PRKCA: variants seen among roughly 807,000 people sequenced by gnomAD.
PRKCA encodes protein kinase C alpha.
Under a neutral mutation model 87.0 loss-of-function variants are expected in PRKCA, and 27 were observed. The observed-to-expected ratio is 0.31, with a 90% CI of 0.23 to 0.43. The LOEUF (loss-of-function observed/expected upper bound fraction) is 0.43. PRKCA is among the 20% of genes least tolerant of loss of function. The pLI, the probability that PRKCA is intolerant of heterozygous loss-of-function variation, is 1.00. For missense variants in PRKCA, 518 were observed against 852.3 expected (o/e 0.61, Z 4.88); for synonymous variants, 329 against 311.1 (o/e 1.06, Z -0.61).
At chr17:66,747,422 G>A (rs549861566) in intron 13 of PRKCA, among the ~76,000 whole-genome samples, 4 of 152,260 alleles carry the variant, frequency 2.6e-5, no homozygotes, top group Admixed American at 6.5e-5. Flanking sequence ...TCACAGCATC[G>A]CTATGGCGGG....
intron 2 of PRKCA, among the ~76,000 whole-genome samples, chr17:66,327,786 TGAAATTTTAG>T (rs1906075570): frequency 6.6e-6 from 1 of 152,214 alleles, no homozygotes; most frequent in African/African-American, 2.4e-5. Flanking sequence ...GAATGAGGTC[TGAAATTTTAG>T]GTGACTATTC....
intron 2 of PRKCA, among the ~76,000 whole-genome samples, chr17:66,467,193 T>G (rs1915125327): frequency 6.6e-6 from 1 of 152,190 alleles, no homozygotes; most frequent in Admixed American, 6.5e-5. Flanking sequence ...GTATCGTGGC[T>G]TACAGGCTCT....
rs565714972 is a variant in PRKCA at position 66,384,681 on chromosome 17, T to C, written c.205+78554T>C. 4.6e-5 allele frequency among the ~76,000 whole-genome samples: 7 copies of C among 151,908 alleles called. No homozygotes were observed. In the South Asian group the frequency reaches 1.5e-3, roughly 32 times the overall value. On this transcript the variant is annotated intron_variant, in intron 2 of 16. Transcript: ENST00000413366. The stretch of plus-strand genomic sequence containing the variant: ...TCTCGCTCTGTCGCCCAGGCTGGAG[T>C]GTAGTGGTGCCATCTCGGCTCACTG...
chr17:66,497,762 A>G (rs1335537399), intron 3 of PRKCA, among the ~76,000 whole-genome samples: 2 of 152,194 alleles, frequency 1.3e-5, no homozygotes, highest in African/African-American at 2.4e-5. Context: ...TGGCTATCTC[A>G]GTGCAGGCAA....
At chr17:66,370,787 C>T (rs1304343006) in intron 2 of PRKCA, among the ~76,000 whole-genome samples, 3 of 152,062 alleles carry the variant, frequency 2.0e-5, no homozygotes, top group East Asian at 1.9e-4. Flanking sequence ...TGGACTCAAG[C>T]GATCCACCAC....
At chr17:66,609,682 G>A (rs1448962771) in intron 3 of PRKCA, among the ~76,000 whole-genome samples, 2 of 151,924 alleles carry the variant, frequency 1.3e-5, no homozygotes, top group Non-Finnish European at 2.9e-5. Context: ...AAGAGGAAGG[G>A]AACGGGGAAA....
At chr17:66,376,010 T>C (rs544662046) in intron 2 of PRKCA, among the ~76,000 whole-genome samples, 1 of 152,144 alleles carries the variant, frequency 6.6e-6, no homozygotes, top group Non-Finnish European at 1.5e-5. Context: ...GACTTCATTG[T>C]TTATTCAGTA....
At chr17:66,724,926 A>G (rs1973706155) in intron 8 of PRKCA, among the ~76,000 whole-genome samples, 1 of 152,264 alleles carries the variant, frequency 6.6e-6, no homozygotes, top group South Asian at 2.1e-4. Context: ...AATACATTAA[A>G]AAGCTCAGAG....
In PRKCA at chr17:66,396,638, T is replaced by TTC. The variant is rs1397810193; in HGVS notation, c.205+90512_205+90513insCT. ...CTGTCATTCATTCTCTCTCTTTTTTTTTTTTTTCGTGACAGAGTCTCGCTC... is the reference window on the plus strand; with the variant it reads ...CTGTCATTCATTCTCTCTCTTTTTTTTCTTTTTTTCGTGACAGAGTCTCGCTC... On this transcript the variant is annotated intron_variant, in intron 2 of 16. Transcript: ENST00000413366. Among the ~76,000 whole-genome samples the TTC allele has an allele frequency of 1.0e-4, 15 of 150,620 alleles. No homozygotes were observed. In the South Asian group the frequency reaches 3.0e-3, roughly 30 times the overall value.
chr17:66,700,289 T>G (rs1973029506), intron 8 of PRKCA, among the ~76,000 whole-genome samples: 1 of 152,204 alleles, frequency 6.6e-6, no homozygotes, highest in South Asian at 2.1e-4. Context: ...AAATTAGGTA[T>G]AAAGGAATGT....
chr17:66,496,936 C>T (rs924480145), intron 3 of PRKCA, among the ~76,000 whole-genome samples: 1 of 111,314 alleles, frequency 9.0e-6, no homozygotes, highest in African/African-American at 2.9e-5. Context: ...AGCCACTGGG[C>T]CCTGCCACCC....
intron 14 of PRKCA, chr17:66,778,273 G>T (rs561227183): frequency 1.1e-6 from 1 of 921,668 alleles, no homozygotes; most frequent in Non-Finnish European, 1.3e-6. Flanking sequence ...CAGCACTTCG[G>T]GAGGCCGAGG....
chr17:66,775,637 T>C, intron 14 of PRKCA: 2 of 985,396 alleles, frequency 2.0e-6, no homozygotes, highest in Non-Finnish European at 2.4e-6. Context: ...TCAGAGACAA[T>C]GGAAAGAGAT....
chr17:66,741,404 T>C (rs61761468), intron 11 of PRKCA, among the ~76,000 whole-genome samples: 4,340 of 152,298 alleles, frequency 0.028, 184 homozygotes, highest in African/African-American at 0.097. Context: ...CTGCAGGCAA[T>C]AAGCTACTTG....
intron 3 of PRKCA, among the ~76,000 whole-genome samples, chr17:66,607,901 G>A (rs1970255022): frequency 6.6e-6 from 1 of 152,164 alleles, no homozygotes; most frequent in Admixed American, 6.5e-5. Flanking sequence ...AAAATGAGGT[G>A]GTGGATTATC....
intron 3 of PRKCA, among the ~76,000 whole-genome samples, chr17:66,620,578 A>G (rs76202591): frequency 0.1 from 15,800 of 152,166 alleles, 1,476 homozygotes; most frequent in African/African-American, 0.25. Context: ...TCAGAAATCT[A>G]TTCATAAGGG....
chr17:66,674,981 A>G (rs1034002972), intron 5 of PRKCA, among the ~76,000 whole-genome samples: 4 of 152,210 alleles, frequency 2.6e-5, no homozygotes, highest in Non-Finnish European at 5.9e-5. Context: ...TGCCACCACC[A>G]TCATGGACCA....
At chr17:66,774,727 T>A (rs1194387255) in intron 14 of PRKCA, 2 of 985,600 alleles carry the variant, frequency 2.0e-6, no homozygotes, top group Non-Finnish European at 1.2e-6. Flanking sequence ...CTGCAAAGAT[T>A]GCCCCAGCTG....
intron 8 of PRKCA, among the ~76,000 whole-genome samples, chr17:66,702,063 G>C (rs1973076965): frequency 6.6e-6 from 1 of 152,070 alleles, no homozygotes; most frequent in Non-Finnish European, 1.5e-5. Flanking sequence ...TGGAAACAGT[G>C]TGTTCATTAA....
Sources: gnomAD v4.1 joint callset for allele counts (sites outside exome capture counted in the v4.1 genomes callset) on GRCh38, gnomAD v4.1.1 for gene constraint, MANE v1.5 for transcripts, NCBI Gene and HGNC (gene_info 2026-07-23, HGNC 2026-07-21) for gene names.